CDH18: variants seen among roughly 807,000 people sequenced by gnomAD.
The protein encoded by CDH18 is cadherin 18.
CDH18 carries 31 observed loss-of-function variants against 67.9 expected under a neutral mutation model. The ratio of observed to expected loss-of-function variants is 0.46; its 90% CI spans 0.34 to 0.62. CDH18 has a LOEUF of 0.62. Among genes scored for constraint, CDH18 ranks in the 20% least tolerant of loss-of-function variants. The pLI is 0.01. For synonymous variants in CDH18, 362 were observed against 347.2 expected (o/e 1.04, Z -0.48); for missense variants, 890 against 975.5 (o/e 0.91, Z 1.17).
At position 19,508,754 on chromosome 5, in the gene CDH18, G is replaced by A. The variant is rs1561227752; in HGVS notation, c.1513-5645C>T. Among the ~76,000 whole-genome samples, 4 of 152,096 alleles carry A rather than the reference G, an allele frequency of 2.6e-5. No homozygotes were observed. The East Asian group carries it at 7.7e-4, about 29-fold the overall frequency. Reference sequence around the variant, plus strand: ...AATTAGAGTACTTTATTAGGGAAAAGTCAGTATCACAAATATATAAAATTT... The same window carrying A: ...AATTAGAGTACTTTATTAGGGAAAAATCAGTATCACAAATATATAAAATTT... On this transcript the variant is annotated intron_variant, in intron 10 of 12. Transcript: ENST00000382275.
chr5:19,776,805 A>G (rs542080965), intron 3 of CDH18, among the ~76,000 whole-genome samples: 5 of 152,328 alleles, frequency 3.3e-5, no homozygotes, highest in African/African-American at 1.2e-4. Flanking sequence ...TAAATGTTCC[A>G]TAAGTTTTGG....
chr5:19,912,013 C>T lies in CDH18; in HGVS notation c.-257+69047G>A, dbSNP rs146534358. On this transcript the variant is annotated intron_variant, in intron 2 of 12. Coordinates refer to ENST00000382275, the MANE Select transcript of CDH18 (RefSeq NM_004934.5). ...ATGTTAAGTAGTGGTATCATTGAAG[C>T]GGCAAGATTGACAGCTCTGGAAATC... 2.8e-3 allele frequency among the ~76,000 whole-genome samples: 432 copies of T among 152,050 alleles called. 2 individuals are homozygous for T. The highest frequency in any genetic ancestry group is 7.9e-3 in the Admixed American group (121 of 15,244).
intron 1 of CDH18, among the ~76,000 whole-genome samples, chr5:20,478,854 G>A (rs555783636): frequency 2.0e-5 from 3 of 152,182 alleles, no homozygotes; most frequent in African/African-American, 2.4e-5. Flanking sequence ...AGTGATGATG[G>A]CCACAGAAGT....
chr5:19,479,451 T>C (rs73760026), intron 12 of CDH18, among the ~76,000 whole-genome samples: 5,445 of 152,206 alleles, frequency 0.036, 107 homozygotes, highest in East Asian at 0.064. Context: ...ATATCCTGTA[T>C]CCCTTGGCTA....
rs370333426 is a variant in CDH18 at position 19,601,520 on chromosome 5, T to C, written c.812-10276A>G. ...GATGGCTGTACTGGTTTAATTCTAC[T>C]AACCATTTAAAGGAGAATTAACACA... is the stretch of plus-strand genomic sequence containing the variant. On this transcript the variant is annotated intron_variant, in intron 6 of 12. Coordinates refer to ENST00000382275, the MANE Select transcript of CDH18 (RefSeq NM_004934.5). Among the ~76,000 whole-genome samples, 7 of 152,070 alleles carry C rather than the reference T, an allele frequency of 4.6e-5. 1 individual carries two copies. The East Asian group carries it at 9.6e-4, about 21-fold the overall frequency.
chr5:20,547,054 A>G (rs917550019), intron 1 of CDH18, among the ~76,000 whole-genome samples: 5 of 152,164 alleles, frequency 3.3e-5, no homozygotes, highest in Non-Finnish European at 2.9e-5. Context: ...GTGAAAAATC[A>G]GAAAACTAAA....
At chr5:20,045,248 T>C (rs2150480016) in intron 2 of CDH18, among the ~76,000 whole-genome samples, 1 of 152,178 alleles carries the variant, frequency 6.6e-6, no homozygotes, top group East Asian at 1.9e-4. Context: ...ATAATGTGTA[T>C]TCTCACAATT....
At chr5:19,989,410 C>T (rs148712088), upstream of CDH18, among the ~76,000 whole-genome samples, 1,611 of 152,202 alleles carry the variant, frequency 0.011, 15 homozygotes, top group Middle Eastern at 0.031. Context: ...GGCAAGAAGA[C>T]GTGGATTCAA....
intron 1 of CDH18, among the ~76,000 whole-genome samples, chr5:20,400,093 T>TCAC (rs1302517292): frequency 6.6e-6 from 1 of 152,204 alleles, no homozygotes; most frequent in Non-Finnish European, 1.5e-5. Context: ...GTATTGGTGG[T>TCAC]CACCATGTTT....
intron 2 of CDH18, among the ~76,000 whole-genome samples, chr5:19,867,858 C>G (rs903624474): frequency 6.6e-6 from 1 of 152,042 alleles, no homozygotes; most frequent in African/African-American, 2.4e-5. Flanking sequence ...TCCCATAATC[C>G]CTACATGTTG....
At chr5:19,535,495 T>C (rs1749275456) in intron 9 of CDH18, among the ~76,000 whole-genome samples, 1 of 152,178 alleles carries the variant, frequency 6.6e-6, no homozygotes, top group Non-Finnish European at 1.5e-5. Context: ...TTTATATTCT[T>C]AGATGCAGCT....
rs80318501 is a variant in CDH18 at position 20,067,200 on chromosome 5, T to C, written c.-517-75186A>G. The stretch of plus-strand genomic sequence containing the variant: ...GTGACTTGAGCGTTGAGTATATTGG[T>C]ATCTCTACAGGATCCTGGAAGCAAA... On this transcript the variant is annotated intron_variant, in intron 2 of 14. Coordinates refer to the CDH18 transcript ENST00000507958. Among the ~76,000 whole-genome samples, 3,356 of 151,888 alleles carry C rather than the reference T, an allele frequency of 0.022. 227 individuals are homozygous for C. In the East Asian group the frequency reaches 0.28, roughly 13 times the overall value.
chr5:19,961,607 A>T (rs73762467), intron 2 of CDH18, among the ~76,000 whole-genome samples: 4,434 of 152,212 alleles, frequency 0.029, 253 homozygotes, highest in East Asian at 0.22. Flanking sequence ...AAAATTAGAA[A>T]GATAGTATCT....
intron 2 of CDH18, among the ~76,000 whole-genome samples, chr5:19,858,921 T>C (rs1323150043): frequency 2.0e-5 from 3 of 152,038 alleles, no homozygotes; most frequent in South Asian, 4.1e-4. Context: ...GGTTGCCTGA[T>C]AAAATGTAAT....
rs190048955 is a variant in CDH18 at position 20,517,383 on chromosome 5, T to C, written c.-580+58079A>G. On this transcript the variant is annotated intron_variant, in intron 1 of 14. Transcript: ENST00000507958. ...TTAATCTTATTCCTAAAGACAGATG[T>C]TATGACAAATGAATAAATGTGAATA... is the stretch of plus-strand genomic sequence containing the variant. 2.0e-5 allele frequency among the ~76,000 whole-genome samples: 3 copies of C among 151,796 alleles called. No individual in the cohort carries two copies. The East Asian group carries it at 5.8e-4, about 29-fold the overall frequency.
intron 1 of CDH18, among the ~76,000 whole-genome samples, chr5:20,296,661 TAAGTA>T: frequency 6.6e-6 from 1 of 152,174 alleles, no homozygotes; most frequent in African/African-American, 2.4e-5. Flanking sequence ...AACTATGCTA[TAAGTA>T]AACTACAGTT....
intron 1 of CDH18, among the ~76,000 whole-genome samples, chr5:20,390,107 G>A (rs928267532): frequency 1.1e-4 from 17 of 152,174 alleles, no homozygotes; most frequent in African/African-American, 4.1e-4. Flanking sequence ...AACACCAAAA[G>A]CAATGGCAAC....
chr5:20,196,615 G>A (rs1010026147), intron 2 of CDH18, among the ~76,000 whole-genome samples: 1 of 152,012 alleles, frequency 6.6e-6, no homozygotes, highest in African/African-American at 2.4e-5. Flanking sequence ...CAATAAAGGG[G>A]GATTCAATGT....
intron 5 of CDH18, among the ~76,000 whole-genome samples, chr5:19,631,377 A>G (rs1479910644): frequency 6.6e-6 from 1 of 152,088 alleles, no homozygotes; most frequent in Non-Finnish European, 1.5e-5. Context: ...CTGACTCTCG[A>G]TTTGTCAATT....
Sources: gnomAD v4.1 joint callset for allele counts (sites outside exome capture counted in the v4.1 genomes callset) on GRCh38, gnomAD v4.1.1 for gene constraint, MANE v1.5 for transcripts, NCBI Gene and HGNC (gene_info 2026-07-23, HGNC 2026-07-21) for gene names.